The following IL1RAP variants were observed in gnomAD, a reference collection of about 807,000 sequenced individuals.
The protein encoded by IL1RAP is interleukin 1 receptor accessory protein, also known as interleukin-1 receptor accessory protein.
IL1RAP carries 35 observed loss-of-function variants against 60.7 expected under a neutral mutation model. That is an observed-to-expected ratio of 0.58 (90% CI 0.44 to 0.76). The LOEUF is 0.76. Among genes scored for constraint, IL1RAP ranks in the 30% least tolerant of loss-of-function variants. The pLI is 0.00. For synonymous variants in IL1RAP, 268 were observed against 250.9 expected (o/e 1.07, Z -0.64); for missense variants, 572 against 693.9 (o/e 0.82, Z 1.97).
At chr3:190,559,172 G>A (rs1045337558) in intron 2 of IL1RAP, among the ~76,000 whole-genome samples, 1 of 152,150 alleles carries the variant, frequency 6.6e-6, no homozygotes, top group African/African-American at 2.4e-5. Context: ...GAATGTATGA[G>A]CCTGGAGTTT....
intron 5 of IL1RAP, among the ~76,000 whole-genome samples, chr3:190,613,367 G>T (rs538681037): frequency 6.6e-6 from 1 of 152,278 alleles, no homozygotes; most frequent in East Asian, 1.9e-4. Flanking sequence ...GCAGTGACTA[G>T]CAGGTAGTGG....
intron 5 of IL1RAP, 81 bp downstream of exon 5, chr3:190,609,262 G>A: frequency 3.1e-6 from 3 of 978,694 alleles, no homozygotes; most frequent in Non-Finnish European, 4.5e-6. Context: ...ATATTTATAA[G>A]CAAAGGTGTT....
At chr3:190,642,048 G>T (rs1023219672) in intron 9 of IL1RAP, 5 of 152,190 alleles carry the variant, frequency 3.3e-5, no homozygotes, top group Non-Finnish European at 5.9e-5. Flanking sequence ...CCCAGTTTAG[G>T]ATAATAAAAT....
chr3:190,538,392 C>A (rs1429141114), intron 1 of IL1RAP, among the ~76,000 whole-genome samples: 1 of 152,184 alleles, frequency 6.6e-6, no homozygotes, highest in African/African-American at 2.4e-5. Context: ...TCCAACTTTG[C>A]CTTCACTTGG....
intron 3 of IL1RAP, among the ~76,000 whole-genome samples, chr3:190,578,064 G>A (rs1489833736): frequency 2.0e-5 from 3 of 152,200 alleles, no homozygotes; most frequent in Non-Finnish European, 2.9e-5. Flanking sequence ...CCAGAGGGAG[G>A]TGGGAGGAGG....
chr3:190,629,735 A>G (rs1211197980), intron 9 of IL1RAP: 4 of 1,214,168 alleles, frequency 3.3e-6, no homozygotes, highest in African/African-American at 3.1e-5. Flanking sequence ...AAAAAAATCG[A>G]CGTGAGTACA....
chr3:190,622,467 C>G (rs1007019187), intron 6 of IL1RAP, among the ~76,000 whole-genome samples: 5 of 152,018 alleles, frequency 3.3e-5, no homozygotes, highest in Non-Finnish European at 7.4e-5. Context: ...AAAAGACTGC[C>G]CCACCCCCTA....
At chr3:190,623,563 G>T in intron 7 of IL1RAP, 148 bp downstream of exon 7, 1 of 677,778 alleles carries the variant, frequency 1.5e-6, no homozygotes, top group Non-Finnish European at 2.5e-6. Flanking sequence ...AGCAGCTGTG[G>T]AGATCAGTTA....
chr3:190,577,172 G>C (rs553590772), intron 3 of IL1RAP, among the ~76,000 whole-genome samples: 181 of 151,032 alleles, frequency 1.2e-3, no homozygotes, highest in African/African-American at 4.2e-3. Flanking sequence ...TCATGATAAA[G>C]GGAGCTTAAA....
chr3:190,541,939 A>G (rs184147945), intron 1 of IL1RAP, among the ~76,000 whole-genome samples: 255 of 152,286 alleles, frequency 1.7e-3, no homozygotes, highest in Non-Finnish European at 2.6e-3. Context: ...ACTGACTGAG[A>G]AAAACAACTT....
downstream of IL1RAP, among the ~76,000 whole-genome samples, chr3:190,654,075 A>G (rs1380619344): frequency 6.6e-6 from 1 of 152,150 alleles, no homozygotes; most frequent in African/African-American, 2.4e-5. Flanking sequence ...AACAGACTCA[A>G]AAGTCATTTT....
rs1734288785 is a variant in IL1RAP, at chr3:190,649,885, C to CT, written c.*1181dup. 1 of 983,998 alleles carries CT rather than the reference C, an allele frequency of 1.0e-6. No homozygotes were observed. Among genetic ancestry groups the CT allele is most frequent in the Non-Finnish European group, 1.2e-6 (1 of 828,716 alleles). The allele number at this position is 983,998 out of a possible 1,614,324, so 61.0% of individuals were successfully genotyped here. On this transcript the variant is annotated 3_prime_UTR_variant, in exon 12 of 12. Transcript: ENST00000447382. ...TTTGCTGTTTTTAAGACTTGGAAAA[C>CT]TAAGTGCAGAGTTTACAGAGTGGTA...
intron 5 of IL1RAP, chr3:190,615,504 C>G (rs1731189132): frequency 3.3e-6 from 1 of 307,312 alleles, no homozygotes; most frequent in Admixed American, 4.0e-5. Context: ...CTTATAAAAG[C>G]ATAGACAATT....
At chr3:190,554,870 TAATA>T (rs760642239) in intron 1 of IL1RAP, among the ~76,000 whole-genome samples, 1 of 152,180 alleles carries the variant, frequency 6.6e-6, no homozygotes, top group Non-Finnish European at 1.5e-5. Flanking sequence ...AGTAGGGGCT[TAATA>T]AATACATTGA....
intron 1 of IL1RAP, among the ~76,000 whole-genome samples, chr3:190,551,564 G>A (rs1023885728): frequency 2.0e-5 from 3 of 152,126 alleles, no homozygotes; most frequent in Non-Finnish European, 4.4e-5. Context: ...GTAAAAGTTG[G>A]AAAGATTGTT....
In IL1RAP at chr3:190,626,694, G is replaced by C. The variant is rs572620776; in HGVS notation, c.776-629G>C. 5.8e-3 allele frequency among the ~76,000 whole-genome samples: 692 copies of C among 119,660 alleles called. 7 individuals are homozygous for C. Among genetic ancestry groups the C allele is most frequent in the African/African-American group, 0.022 (661 of 30,174 alleles). The allele number at this position is 119,660 out of a possible 152,430, so 78.5% of individuals were successfully genotyped here. On this transcript the variant is annotated intron_variant, in intron 7 of 11. Coordinates refer to ENST00000447382, the MANE Select transcript of IL1RAP (RefSeq NM_002182.4). Reference sequence around the variant, plus strand: ...TTTTTTTTTTTTTTTTTTTGGAGATGGAGTCTCACTCTGTTGCCCAGGCTG... The same window carrying C: ...TTTTTTTTTTTTTTTTTTTGGAGATCGAGTCTCACTCTGTTGCCCAGGCTG...
rs202132030 is a variant in IL1RAP, at chr3:190,564,349, C to G, written c.60C>G (p.Ala20=). The G allele has an allele frequency of 4.6e-5, 74 of 1,606,776 alleles. No individual in the cohort carries two copies. The East Asian group carries it at 1.5e-3, about 33-fold the overall frequency. The change falls in exon 3 of 12, where the codon GCC becomes GCG. Residue 20 remains alanine, a synonymous_variant. Coordinates refer to ENST00000447382, the MANE Select transcript of IL1RAP (RefSeq NM_002182.4). ...LYFYGILQSD[A]SERCDDWGLD... ...TTTATGGAATCCTGCAAAGTGATGC[C>G]TCAGGTAAGTGAATGGCTTTTGACA...
chr3:190,519,601 C>T (rs2108592368), intron 1 of IL1RAP, among the ~76,000 whole-genome samples: 1 of 152,240 alleles, frequency 6.6e-6, no homozygotes, highest in East Asian at 1.9e-4. Context: ...TGCCCCATCT[C>T]TGTATCCTCA....
At position 190,547,297 on chromosome 3, in the gene IL1RAP, C is replaced by T. The variant is rs142547659; in HGVS notation, c.-88-8833C>T. Among the ~76,000 whole-genome samples the T allele has an allele frequency of 9.9e-3, 1,506 of 152,262 alleles. 21 individuals carry two copies. Among genetic ancestry groups the T allele is most frequent in the African/African-American group, 0.034 (1,399 of 41,532 alleles). ...CTCTGGCCATAGTCCTCCGCCCCTT[C>T]CCCCCATCCAGTGTGATCTGGTGGA... is the stretch of plus-strand genomic sequence containing the variant. On this transcript the variant is annotated intron_variant, in intron 1 of 11. Coordinates refer to ENST00000447382, the MANE Select transcript of IL1RAP (RefSeq NM_002182.4).
Sources: allele counts gnomAD v4.1 joint callset (sites outside exome capture counted in the v4.1 genomes callset), GRCh38; gene constraint gnomAD v4.1.1; transcripts MANE v1.5; gene names NCBI Gene and HGNC (gene_info 2026-07-23, HGNC 2026-07-21).